The following TAP2 variants were observed in gnomAD, a reference collection of about 807,000 sequenced individuals.
TAP2 encodes antigen peptide transporter 2.
TAP2 carries 49 observed loss-of-function variants against 74.7 expected under a neutral mutation model. The observed-to-expected ratio is 0.66, with a 90% CI of 0.52 to 0.83. The LOEUF (loss-of-function observed/expected upper bound fraction) is 0.83, where lower values mean the gene tolerates loss of function less well. Among genes scored for constraint, TAP2 ranks in the 40% least tolerant of loss-of-function variants. The pLI, the probability that TAP2 is intolerant of heterozygous loss-of-function variation, is 0.00. For synonymous variants in TAP2, 306 were observed against 368.4 expected, an observed-to-expected ratio of 0.83 and a Z score of 1.94; for missense variants, 739 against 859.0, an observed-to-expected ratio of 0.86 and a Z score of 1.75.
Position 32,827,020 on chromosome 6 carries a change from G to T in TAP2, c.*1886C>A. On this transcript the variant is annotated 3_prime_UTR_variant, in exon 12 of 12. Transcript: ENST00000374897. Reference sequence around the variant, plus strand: ...TTGAGAGATGGATGGGTGTGGAGCTGCAAGTCAGCCCCAGGATGAAAGAAA... The same window carrying T: ...TTGAGAGATGGATGGGTGTGGAGCTTCAAGTCAGCCCCAGGATGAAAGAAA... 1 of 985,446 alleles carries T rather than the reference G, an allele frequency of 1.0e-6. No homozygotes were observed. The highest frequency in any genetic ancestry group is 1.2e-6 in the Non-Finnish European group (1 of 829,922). The allele number at this position is 985,446 out of a possible 1,614,324, so 61.0% of individuals were successfully genotyped here.
downstream of TAP2, chr6:32,822,328 A>C (rs1360589629): frequency 4.7e-6 from 7 of 1,492,726 alleles, no homozygotes; most frequent in Non-Finnish European, 6.4e-6. Context: ...TCTAGAAAAA[A>C]AAAACAAAAA....
downstream of TAP2, among the ~76,000 whole-genome samples, chr6:32,823,629 T>C (rs1288911637): frequency 6.6e-6 from 1 of 151,952 alleles, no homozygotes; most frequent in Admixed American, 6.5e-5. Flanking sequence ...AATAATAGAG[T>C]TTTTATCTTA....
chr6:32,825,652 TG>T lies in TAP2; in HGVS notation c.*3253del, dbSNP rs1768599495. 1 of 152,202 alleles carries T rather than the reference TG, an allele frequency of 6.6e-6. No homozygotes were observed. The highest frequency in any genetic ancestry group is 6.5e-5 in the Admixed American group (1 of 15,288). The allele number at this position is 152,202 out of a possible 1,614,324, so 9.4% of individuals were successfully genotyped here. A position where few individuals can be genotyped will look rare whatever the true frequency, so the allele number is the denominator to read the frequency against. On this transcript the variant is annotated 3_prime_UTR_variant, in exon 12 of 12. Transcript: ENST00000374897. ...TGAGGCTTTCCTCTGTATACTTCTT[TG>T]TGTCTTTTGAATTTCAAACCACATT...
chr6:32,835,756 C>T lies in TAP2; in HGVS notation c.626G>A (p.Cys209Tyr). Residue 209 changes from cysteine (C) to tyrosine (Y), a missense_variant, in exon 4 of 12, where the codon TGC (cysteine) becomes TAC (tyrosine). Cys to Tyr is a radical substitution (Grantham distance 194). Transcript: ENST00000374897. This position sits in a 1 kb window ranked among gnomAD's most constrained non-coding sequence, Gnocchi z 4.0. ...GGTGTAGGTGAAGCAGCCTCCTCGG[C>T]AGCCTGCAGACAGTGAGCTGTGGGG... ...FSFGSSLSAG[C>Y]RGGCFTYTMS... is the part of the protein sequence containing the mutation. 1 of 1,613,110 alleles carries T rather than the reference C, an allele frequency of 6.2e-7. No homozygotes were observed. Among genetic ancestry groups the T allele is most frequent in the Non-Finnish European group, 8.5e-7 (1 of 1,180,034 alleles).
Position 32,825,898 on chromosome 6 carries a change from G to T in TAP2, c.*3008C>A. On this transcript the variant is annotated 3_prime_UTR_variant, in exon 12 of 12. Transcript: ENST00000374897. ...TTGAGATAGTAATACCTGCCACATA[G>T]AATTATCTTGAAAAATAAGGTAAGA... 1.3e-6 allele frequency: 1 copy of T among 769,512 alleles called. No individual in the cohort carries two copies. The highest frequency in any genetic ancestry group is 1.6e-6 in the Non-Finnish European group (1 of 633,652). 47.7% of individuals were successfully genotyped at this position (769,512 alleles called of 1,614,324 possible).
Position 32,830,425 on chromosome 6 carries a change from G to C in TAP2, c.1477C>G (p.Leu493Val). 6.2e-7 allele frequency: 1 copy of C among 1,612,988 alleles called. No individual in the cohort carries two copies. The highest frequency in any genetic ancestry group is 8.5e-7 in the Non-Finnish European group (1 of 1,179,966). Residue 493 changes from leucine to valine, a missense_variant, in exon 9 of 12, where the codon CTA becomes GTA. Coordinates refer to ENST00000374897, the MANE Select transcript of TAP2 (RefSeq NM_001290043.2). Reference sequence around the variant, plus strand: ...AGCGCCGTCACCTCACCAGGACGTAGGGTAAACGTCAGCCCCTAGAAAACC... The same window carrying C: ...AGCGCCGTCACCTCACCAGGACGTACGGTAAACGTCAGCCCCTAGAAAACC... ...RPVLKGLTFT[L>V]RPGEVTALVG...
Position 32,828,732 on chromosome 6 carries a change from T to A in TAP2, c.*174A>T, listed in dbSNP as rs1476225641. 2.0e-6 allele frequency: 2 copies of A among 1,006,664 alleles called. No individual in the cohort carries two copies. Among genetic ancestry groups the A allele is most frequent in the African/African-American group, 2.1e-5 (1 of 46,620 alleles). 62.4% of individuals were successfully genotyped at this position (1,006,664 alleles called of 1,614,324 possible). A position where few individuals can be genotyped will look rare whatever the true frequency, so the allele number is the denominator to read the frequency against. On this transcript the variant is annotated 3_prime_UTR_variant, in exon 12 of 12. Transcript: ENST00000374897. ...CCACCAAAAGCACACAGTGTCCAAA[T>A]CTCCATCGTGCCTGCAACTCAGGAA...
In TAP2 at chr6:32,837,360, A is replaced by G. The variant is rs1054339996; in HGVS notation, c.608+177T>C. ...TAAACTTTGAAGATATTGGATGAAT[A>G]TGAACGAAGGAAGAAATGAATGGAT... On this transcript the variant is annotated intron_variant, in intron 3 of 11. Coordinates refer to ENST00000374897, the MANE Select transcript of TAP2 (RefSeq NM_001290043.2). Among the ~76,000 whole-genome samples, 5 of 152,240 alleles carry G rather than the reference A, an allele frequency of 3.3e-5. No homozygotes were observed. The East Asian group carries it at 9.6e-4, about 29-fold the overall frequency.
intron 3 of TAP2, among the ~76,000 whole-genome samples, chr6:32,836,688 A>G (rs1769440598): frequency 1.3e-5 from 2 of 152,242 alleles, no homozygotes; most frequent in African/African-American, 4.8e-5. Flanking sequence ...GTATTTGTGT[A>G]TCTAAACATA....
intron 9 of TAP2, 30 bp from the exon 10 acceptor site, chr6:32,830,119 AT>A: frequency 6.2e-7 from 1 of 1,612,948 alleles, no homozygotes; most frequent in South Asian, 1.1e-5. Flanking sequence ...GCAGAGGACT[AT>A]GTGTAAACCC....
In TAP2 at chr6:32,826,162, A is replaced by C. The variant is rs962161273; in HGVS notation, c.*2744T>G. The C allele has an allele frequency of 1.0e-6, 1 of 985,436 alleles. No homozygotes were observed. Among genetic ancestry groups the C allele is most frequent in the Non-Finnish European group, 1.2e-6 (1 of 829,932 alleles). The allele number at this position is 985,436 out of a possible 1,614,324, so 61.0% of individuals were successfully genotyped here. The stretch of plus-strand genomic sequence containing the variant: ...AGTCCTTTCCCCACAAAATTCTGAC[A>C]ATTACGCATTTCCTGCTTGTTTCAC... On this transcript the variant is annotated 3_prime_UTR_variant, in exon 12 of 12. Coordinates refer to ENST00000374897, the MANE Select transcript of TAP2 (RefSeq NM_001290043.2).
At chr6:32,837,687 T>C (rs201428829) in intron 2 of TAP2, 36 bp from the exon 3 acceptor site, 26 of 1,614,162 alleles carry the variant, frequency 1.6e-5, no homozygotes, top group Non-Finnish European at 2.0e-5. Flanking sequence ...AAGAATGTGC[T>C]GGTGCCCAGG....
chr6:32,838,499 C>T (rs1276847910), intron 1 of TAP2, among the ~76,000 whole-genome samples, 154 bp downstream of exon 1: 1 of 151,896 alleles, frequency 6.6e-6, no homozygotes, highest in Non-Finnish European at 1.5e-5. Context: ...GGACCCCCAC[C>T]CCCACCCCCG....
rs779665536 is a variant in TAP2 at position 32,835,667 on chromosome 6, C to T, written c.715G>A (p.Gly239Ser). The T allele has an allele frequency of 1.2e-5, 19 of 1,613,040 alleles. No homozygotes were observed. Among genetic ancestry groups the T allele is most frequent in the Non-Finnish European group, 1.4e-5 (17 of 1,180,020 alleles). Residue 239 changes from glycine (G) to serine (S), a missense_variant, in exon 4 of 12, where the codon GGT (glycine) becomes AGT (serine). Coordinates refer to ENST00000374897, the MANE Select transcript of TAP2 (RefSeq NM_001290043.2). The surrounding 1 kb of genome is among the most constrained non-coding windows in gnomAD (Gnocchi z 4.0). ...LFSSLLRQDL[G>S]FFQETKTGEL... The stretch of plus-strand genomic sequence containing the variant: ...CCTGTCTTAGTCTCCTGGAAGAAAC[C>T]GAGGTCCTGGCGCAGCAGGGAGGAG...
rs201973373 is a variant in TAP2, at chr6:32,832,449, C to A, written c.1156G>T (p.Gly386Trp). Residue 386 changes from glycine to tryptophan, a missense_variant, in exon 7 of 12, where the codon GGG becomes TGG. By Grantham distance (184) the Gly-to-Trp change is radical. Transcript: ENST00000374897. This position sits in a 1 kb window ranked among gnomAD's most constrained non-coding sequence, Gnocchi z 5.9. ...CAGCTCAGCATCAGCATCTGCACCCCCAAGTGCAGCACCTGGAAGAGGAGA... is the reference window on the plus strand; with the variant it reads ...CAGCTCAGCATCAGCATCTGCACCCACAAGTGCAGCACCTGGAAGAGGAGA... ...YLLVRRVLHL[G>W]VQMLMLSCGL... 3 of 1,612,590 alleles carry A rather than the reference C, an allele frequency of 1.9e-6. No individual in the cohort carries two copies. Among genetic ancestry groups the A allele is most frequent in the Non-Finnish European group, 2.5e-6 (3 of 1,179,844 alleles).
chr6:32,836,434 G>A lies in TAP2; in HGVS notation c.609-661C>T, dbSNP rs373197186. On this transcript the variant is annotated intron_variant, in intron 3 of 11. Transcript: ENST00000374897. ...AATTTAGTTACCATATTGAAGAGGC[G>A]TTTGGGAGAGTCAGACATGATATAA... Among the ~76,000 whole-genome samples the A allele has an allele frequency of 5.6e-4, 86 of 152,330 alleles. No individual in the cohort carries two copies. The South Asian group carries it at 0.016, about 28-fold the overall frequency.
downstream of TAP2, chr6:32,822,324 A>G (rs747629951): frequency 7.4e-6 from 11 of 1,494,602 alleles, no homozygotes; most frequent in South Asian, 1.1e-4. Flanking sequence ...GTTTTCTAGA[A>G]AAAAAAAACA....
At position 32,830,067 on chromosome 6, in the gene TAP2, G is replaced by A; in HGVS notation, c.1658C>T (p.Pro553Leu). Residue 553 changes from proline to leucine, a missense_variant, in exon 10 of 12, where the codon CCT becomes CTT. Physicochemically the swap from Pro to Leu is moderately conservative, Grantham distance 98 (BLOSUM62 -3). Coordinates refer to ENST00000374897, the MANE Select transcript of TAP2 (RefSeq NM_001290043.2). ...HSQVVSVGQE[P>L]VLFSGSVRNN... is the part of the protein sequence containing the mutation. ...CCTCACAGAACCGGAGAACAGCACA[G>A]GCTCCTGCCCAACTGAAACCACCTG... The A allele has an allele frequency of 6.2e-7, 1 of 1,613,092 alleles. No individual in the cohort carries two copies. The highest frequency in any genetic ancestry group is 1.3e-5 in the African/African-American group (1 of 75,050).
In TAP2 at chr6:32,828,679, C is replaced by CACCCCCCCCCACCCCCCCCCCCCA; in HGVS notation, c.*226_*227insTGGGGGGGGGGGGTGGGGGGGGGT. ...TAAGTTTCCTGGACACAGACAGCCC[C>CACCCCCCCCCACCCCCCCCCCCCA]CACCCCACCCCACCCCACCTCTCTA... On this transcript the variant is annotated 3_prime_UTR_variant, in exon 12 of 12. Coordinates refer to ENST00000374897, the MANE Select transcript of TAP2 (RefSeq NM_001290043.2). 2 of 948,138 alleles carry CACCCCCCCCCACCCCCCCCCCCCA rather than the reference C, an allele frequency of 2.1e-6. No individual in the cohort carries two copies. The highest frequency in any genetic ancestry group is 2.5e-6 in the Non-Finnish European group (2 of 788,690). The allele number at this position is 948,138 out of a possible 1,614,324, so 58.7% of individuals were successfully genotyped here.
Sources: gnomAD v4.1 joint callset for allele counts (sites outside exome capture counted in the v4.1 genomes callset) on GRCh38, gnomAD v4.1.1 for gene constraint, Gnocchi (gnomAD v3.1) non-coding constraint, MANE v1.5 for transcripts, NCBI Gene and HGNC (gene_info 2026-07-23, HGNC 2026-07-21) for gene names.